Variants in IGSF11 observed in about 807,000 individuals in gnomAD.
IGSF11 encodes CXADR like 1.
IGSF11 carries 22 observed loss-of-function variants against 41.0 expected under a neutral mutation model. The observed-to-expected ratio is 0.54, with a 90% CI of 0.38 to 0.77. The LOEUF is 0.77. IGSF11 is among the 30% of genes least tolerant of loss of function. The probability of loss-of-function intolerance (pLI) is 0.00; values close to 1 mark genes in which losing one functional copy is unlikely to be tolerated. For missense variants in IGSF11, 444 were observed against 530.8 expected (o/e 0.84, Z 1.61); for synonymous variants, 219 against 201.3 (o/e 1.09, Z -0.74).
At chr3:119,005,970 T>C (rs2107683004) in intron 1 of IGSF11, among the ~76,000 whole-genome samples, 1 of 135,290 alleles carries the variant, frequency 7.4e-6, no homozygotes, top group East Asian at 2.1e-4. Context: ...AGGAGTATCT[T>C]TGTGGCGTTC....
At chr3:118,942,323 T>C (rs576390432) in intron 1 of IGSF11, among the ~76,000 whole-genome samples, 2 of 152,304 alleles carry the variant, frequency 1.3e-5, no homozygotes, top group East Asian at 1.9e-4. Flanking sequence ...AAAACTTTAC[T>C]GCAACTACGA....
At chr3:118,953,064 C>T (rs1001367423) in intron 1 of IGSF11, among the ~76,000 whole-genome samples, 1 of 151,970 alleles carries the variant, frequency 6.6e-6, no homozygotes, top group Non-Finnish European at 1.5e-5. Flanking sequence ...CCAACCTTTC[C>T]CCACTTTCCC....
intron 1 of IGSF11, among the ~76,000 whole-genome samples, chr3:119,128,921 C>T (rs187021955): frequency 6.6e-6 from 1 of 152,286 alleles, no homozygotes; most frequent in East Asian, 1.9e-4. Flanking sequence ...ACCCAAATTC[C>T]CATCAATGAC....
chr3:118,998,207 T>C (rs1350922788), intron 1 of IGSF11, among the ~76,000 whole-genome samples: 1 of 152,194 alleles, frequency 6.6e-6, no homozygotes, highest in Non-Finnish European at 1.5e-5. Flanking sequence ...GGTTTATTAT[T>C]CAGGTGATCA....
chr3:119,103,018 GT>G (rs1224773014), intron 1 of IGSF11, among the ~76,000 whole-genome samples: 3 of 98,306 alleles, frequency 3.1e-5, no homozygotes, highest in African/African-American at 9.9e-5. Flanking sequence ...TTTTTTTTGA[GT>G]TGGAGTCTCG....
rs988335867 is a variant in IGSF11 at position 118,924,353 on chromosome 3, T to G, written c.580+1748A>C. On this transcript the variant is annotated intron_variant, in intron 4 of 6. Transcript: ENST00000393775. ...GCATCATGAGTTTATATTAATAATTTTAAACATAATTAGTAAAGTAAATCT... is the reference window on the plus strand; with the variant it reads ...GCATCATGAGTTTATATTAATAATTGTAAACATAATTAGTAAAGTAAATCT... Among the ~76,000 whole-genome samples the G allele has an allele frequency of 3.9e-5, 6 of 152,074 alleles. 1 individual carries two copies. Among genetic ancestry groups the G allele is most frequent in the East Asian group, 3.9e-4 (2 of 5,184 alleles).
chr3:119,038,632 G>A (rs1340757876), upstream of IGSF11, among the ~76,000 whole-genome samples: 1 of 152,028 alleles, frequency 6.6e-6, no homozygotes, highest in African/African-American at 2.4e-5. Flanking sequence ...CTTGAAAAAG[G>A]CAATAGCATA....
intron 1 of IGSF11, among the ~76,000 whole-genome samples, chr3:119,058,578 G>A (rs1216269560): frequency 2.6e-5 from 4 of 152,204 alleles, no homozygotes; most frequent in Admixed American, 1.3e-4. Flanking sequence ...ATTCCTCAGG[G>A]ATCTACAACT....
intron 2 of IGSF11, 117 bp downstream of exon 2, chr3:118,929,995 G>A (rs897332013): frequency 2.0e-5 from 19 of 962,560 alleles, no homozygotes; most frequent in African/African-American, 4.9e-5. Flanking sequence ...AAGAGTACAC[G>A]CACATTGACA....
At chr3:119,051,507 C>A (rs928018683) in intron 1 of IGSF11, among the ~76,000 whole-genome samples, 1 of 152,264 alleles carries the variant, frequency 6.6e-6, no homozygotes, top group East Asian at 1.9e-4. Flanking sequence ...AGAAATGAGA[C>A]AGATGGCAAT....
intron 1 of IGSF11, among the ~76,000 whole-genome samples, chr3:118,941,277 CAACAA>C (rs1178156997): frequency 2.0e-5 from 3 of 152,002 alleles, no homozygotes; most frequent in Non-Finnish European, 2.9e-5. Context: ...TCTTAAAATT[CAACAA>C]AACAAACAGT....
At chr3:119,037,262 T>C (rs1033748193), upstream of IGSF11, among the ~76,000 whole-genome samples, 1 of 152,194 alleles carries the variant, frequency 6.6e-6, no homozygotes, top group Non-Finnish European at 1.5e-5. Context: ...TGTGTAACAC[T>C]TTACAAATTT....
chr3:119,099,909 T>G (rs1228337894), intron 1 of IGSF11, among the ~76,000 whole-genome samples: 2 of 152,202 alleles, frequency 1.3e-5, no homozygotes, highest in Non-Finnish European at 2.9e-5. Context: ...CAATGTACAC[T>G]GTACTTTCTC....
At chr3:118,987,694 A>T (rs1374432103) in intron 1 of IGSF11, among the ~76,000 whole-genome samples, 3 of 152,386 alleles carry the variant, frequency 2.0e-5, no homozygotes, top group Middle Eastern at 3.4e-3. Context: ...TTCACTAGGC[A>T]TGTGACTTGA....
At chr3:119,014,213 A>T (rs1938437630) in intron 1 of IGSF11, among the ~76,000 whole-genome samples, 1 of 152,094 alleles carries the variant, frequency 6.6e-6, no homozygotes, top group East Asian at 1.9e-4. Flanking sequence ...TTTGACGTTC[A>T]CTCCAGCTGC....
chr3:118,902,466 C>CCTTTTT lies in IGSF11; in HGVS notation c.*53_*54insAAAAAG. On this transcript the variant is annotated 3_prime_UTR_variant, in exon 7 of 7. Transcript: ENST00000393775. ...CAGCACTCCCCACCCCACCCTCCCC[C>CCTTTTT]TTGTATGAGGGCATTCCATTTATTC... The CCTTTTT allele has an allele frequency of 8.0e-6, 7 of 878,270 alleles. No individual in the cohort carries two copies. Among genetic ancestry groups the CCTTTTT allele is most frequent in the Admixed American group, 2.0e-5 (1 of 50,784 alleles). The allele number at this position is 878,270 out of a possible 1,614,324, so 54.4% of individuals were successfully genotyped here. A position where few individuals can be genotyped will look rare whatever the true frequency, so the allele number is the denominator to read the frequency against.
At chr3:119,111,324 G>T (rs1240610873) in intron 1 of IGSF11, among the ~76,000 whole-genome samples, 6 of 151,948 alleles carry the variant, frequency 3.9e-5, no homozygotes, top group African/African-American at 1.5e-4. Flanking sequence ...TTCCCTTCTT[G>T]CTTCATTTCA....
Position 118,952,823 on chromosome 3 carries a change from A to G in IGSF11, c.53-22548T>C, listed in dbSNP as rs530145776. ...TAATAAAGTTTTGAATGCACTGATC[A>G]AATAGTGAAATCACTTTATTTGGAA... On this transcript the variant is annotated intron_variant, in intron 1 of 6. Coordinates refer to ENST00000393775, the MANE Select transcript of IGSF11 (RefSeq NM_001015887.3). 8.5e-5 allele frequency among the ~76,000 whole-genome samples: 13 copies of G among 152,286 alleles called. No homozygotes were observed. The East Asian group carries it at 2.3e-3, about 27-fold the overall frequency.
intron 1 of IGSF11, among the ~76,000 whole-genome samples, chr3:119,143,391 T>C (rs2077675497): frequency 6.6e-6 from 1 of 152,166 alleles, no homozygotes; most frequent in Non-Finnish European, 1.5e-5. Context: ...CTAGGATGGT[T>C]TTAATTCAAA....
Sources: gnomAD v4.1 joint callset for allele counts (sites outside exome capture counted in the v4.1 genomes callset) on GRCh38, gnomAD v4.1.1 for gene constraint, MANE v1.5 for transcripts, NCBI Gene and HGNC (gene_info 2026-07-23, HGNC 2026-07-21) for gene names.